Variants in CCDC7 observed in about 807,000 individuals in gnomAD.
The protein encoded by CCDC7 is coiled-coil domain containing 7.
CCDC7 carries 183 observed loss-of-function variants against 196.9 expected under a neutral mutation model. The observed-to-expected ratio is 0.93, with a 90% CI of 0.82 to 1.05. The LOEUF (loss-of-function observed/expected upper bound fraction) is 1.05. CCDC7 is among the 50% of genes least tolerant of loss of function. CCDC7 has a pLI of 0.00. For synonymous variants in CCDC7, 525 were observed against 484.6 expected (o/e 1.08, Z -1.10); for missense variants, 1,540 against 1,482.2 (o/e 1.04, Z -0.64).
intron 20 of CCDC7, among the ~76,000 whole-genome samples, chr10:32,655,284 G>A (rs1176832019): frequency 6.6e-6 from 1 of 152,078 alleles, no homozygotes; most frequent in African/African-American, 2.4e-5. Context: ...CTGTTACCAA[G>A]GTCAGCCATT....
chr10:32,828,416 G>GAAGGAGAAGGAGAAGGAGAAGGAGAAGA (rs2091473627), intron 32 of CCDC7, among the ~76,000 whole-genome samples: 6 of 100,750 alleles, frequency 6.0e-5, no homozygotes, highest in African/African-American at 4.0e-5. Context: ...GAAGGAGAAG[G>GAAGGAGAAGGAGAAGGAGAAGGAGAAGA]AGAAGAAGAA....
intron 31 of CCDC7, 69 bp downstream of exon 32, chr10:32,814,522 T>G (rs1251469859): frequency 1.1e-5 from 12 of 1,141,756 alleles, no homozygotes; most frequent in Non-Finnish European, 1.6e-5. Flanking sequence ...TAACTAAGTG[T>G]GCATCTTTAA....
At chr10:32,722,873 C>T (rs1034754400) in intron 25 of CCDC7, among the ~76,000 whole-genome samples, 23 of 152,070 alleles carry the variant, frequency 1.5e-4, no homozygotes, top group African/African-American at 4.8e-5. Context: ...CAATGCTCCT[C>T]TATATCCCTA....
At chr10:32,506,672 C>T (rs1018292761) in intron 9 of CCDC7, among the ~76,000 whole-genome samples, 3 of 152,070 alleles carry the variant, frequency 2.0e-5, no homozygotes, top group South Asian at 2.1e-4. Context: ...GTCAACACGG[C>T]GAAACCCCAT....
At chr10:32,723,007 A>G (rs1440104209) in intron 25 of CCDC7, among the ~76,000 whole-genome samples, 1 of 152,110 alleles carries the variant, frequency 6.6e-6, no homozygotes, top group African/African-American at 2.4e-5. Context: ...GGGAGTCTCC[A>G]GTTCACCTCC....
intron 18 of CCDC7, among the ~76,000 whole-genome samples, chr10:32,623,465 G>C (rs2063626369): frequency 6.6e-6 from 1 of 151,556 alleles, no homozygotes; most frequent in Non-Finnish European, 1.5e-5. Context: ...TTCTATTTTG[G>C]ATTTCTATTC....
chr10:32,498,313 A>C (rs934906021), intron 9 of CCDC7, among the ~76,000 whole-genome samples: 1 of 151,470 alleles, frequency 6.6e-6, no homozygotes, highest in Non-Finnish European at 1.5e-5. Context: ...CCTGCACACC[A>C]GTGGGTCTTT....
At chr10:32,860,535 T>C (rs1349562570) in intron 41 of CCDC7, among the ~76,000 whole-genome samples, 1 of 152,188 alleles carries the variant, frequency 6.6e-6, no homozygotes, top group East Asian at 1.9e-4. Flanking sequence ...ACCACTCCTA[T>C]TCAACATAGT....
upstream of CCDC7, among the ~76,000 whole-genome samples, chr10:32,448,375 C>T (rs976763320): frequency 6.6e-6 from 1 of 151,788 alleles, no homozygotes; most frequent in Non-Finnish European, 1.5e-5. Flanking sequence ...AGCGGGGTGT[C>T]ATCTACTTGT....
chr10:32,512,273 A>T (rs963219072), intron 9 of CCDC7: 1 of 153,750 alleles, frequency 6.5e-6, no homozygotes, highest in Non-Finnish European at 1.4e-5. Flanking sequence ...TACCTGAATC[A>T]TGTGGTCTGG....
chr10:32,774,526 C>A (rs1299313664), intron 28 of CCDC7, among the ~76,000 whole-genome samples: 2 of 152,136 alleles, frequency 1.3e-5, no homozygotes, highest in Admixed American at 1.3e-4. Context: ...AGTGATTATT[C>A]CTCTTACCAG....
chr10:32,505,378 G>A (rs972295042), intron 9 of CCDC7, among the ~76,000 whole-genome samples: 3 of 151,908 alleles, frequency 2.0e-5, no homozygotes, highest in African/African-American at 7.3e-5. Flanking sequence ...GAGTGGTGAT[G>A]ACTCTTAACG....
chr10:32,658,733 G>C (rs2070541898), intron 20 of CCDC7, among the ~76,000 whole-genome samples: 1 of 152,170 alleles, frequency 6.6e-6, no homozygotes, highest in Non-Finnish European at 1.5e-5. Flanking sequence ...AGGATATTAT[G>C]CTAAGTGAAA....
rs187564584 is a variant in CCDC7, at chr10:32,825,740, G to A, written c.3268+1136G>A. Among the ~76,000 whole-genome samples the A allele has an allele frequency of 7.9e-5, 12 of 152,206 alleles. No individual in the cohort carries two copies. In the East Asian group the frequency reaches 1.5e-3, roughly 20 times the overall value. ...TACTTCTAATAGTGTGGAGAACACCGATAAAGAGCTGAAATTGTGGAAAAA... is the reference window on the plus strand; with the variant it reads ...TACTTCTAATAGTGTGGAGAACACCAATAAAGAGCTGAAATTGTGGAAAAA... On this transcript the variant is annotated intron_variant, in intron 32 of 41. Coordinates refer to ENST00000639629, the Ensembl canonical transcript of CCDC7.
intron 11 of CCDC7, among the ~76,000 whole-genome samples, chr10:32,540,011 TG>T (rs112339165): frequency 3.3e-5 from 5 of 152,242 alleles, no homozygotes; most frequent in African/African-American, 1.2e-4. Context: ...ACTTGTGTAG[TG>T]TCTATTTGTC....
intron 11 of CCDC7, among the ~76,000 whole-genome samples, chr10:32,533,874 G>A (rs896140817): frequency 1.3e-5 from 2 of 151,922 alleles, no homozygotes; most frequent in Non-Finnish European, 2.9e-5. Context: ...TATGTCTTAT[G>A]TAGTCTTACT....
intron 8 of CCDC7, among the ~76,000 whole-genome samples, chr10:32,489,316 C>A (rs2041792159): frequency 2.0e-5 from 3 of 152,156 alleles, no homozygotes; most frequent in Non-Finnish European, 2.9e-5. Flanking sequence ...GTCTAGAATG[C>A]AGGCACTTGT....
chr10:32,612,573 A>G (rs1369443676), intron 18 of CCDC7, among the ~76,000 whole-genome samples: 1 of 152,100 alleles, frequency 6.6e-6, no homozygotes, highest in Non-Finnish European at 1.5e-5. Flanking sequence ...AATAGCTCTT[A>G]TTATTTTAAG....
At chr10:32,761,139 TTAAAC>T (rs1322286047) in intron 28 of CCDC7, among the ~76,000 whole-genome samples, 2 of 152,112 alleles carry the variant, frequency 1.3e-5, no homozygotes, top group African/African-American at 4.8e-5. Context: ...AAAACAGACT[TTAAAC>T]TAATACTACA....
Sources: allele counts gnomAD v4.1 joint callset (sites outside exome capture counted in the v4.1 genomes callset), GRCh38; gene constraint gnomAD v4.1.1; transcripts MANE v1.5; gene names NCBI Gene and HGNC (gene_info 2026-07-23, HGNC 2026-07-21).